Variants in SHISA6 observed in about 807,000 individuals in gnomAD.
SHISA6 encodes protein shisa-6.
Under a neutral mutation model 47.9 loss-of-function variants are expected in SHISA6, and 22 were observed. The observed-to-expected ratio is 0.46, with a 90% CI of 0.33 to 0.66. SHISA6 has a LOEUF of 0.66. SHISA6 is among the 30% of genes least tolerant of loss of function. The pLI is 0.02. For missense variants in SHISA6, 680 were observed against 764.6 expected (o/e 0.89, Z 1.30); for synonymous variants, 388 against 337.8 (o/e 1.15, Z -1.63).
intron 2 of SHISA6, among the ~76,000 whole-genome samples, chr17:11,287,733 CTGGGA>C (rs745349386): frequency 2.2e-3 from 7 of 3,202 alleles, no homozygotes; most frequent in African/African-American, 3.7e-3. Flanking sequence ...GAGGAAGGGG[CTGGGA>C]AGGGAAGGGA....
At chr17:11,383,141 T>C (rs1250344498) in intron 3 of SHISA6, among the ~76,000 whole-genome samples, 5 of 152,106 alleles carry the variant, frequency 3.3e-5, no homozygotes, top group African/African-American at 1.2e-4. Context: ...CTTCACCATG[T>C]TGGCCAGGCT....
At chr17:11,411,500 G>T (rs192455065) in intron 3 of SHISA6, among the ~76,000 whole-genome samples, 8 of 150,416 alleles carry the variant, frequency 5.3e-5, no homozygotes, top group Non-Finnish European at 1.5e-5. Context: ...AGGTTCAAGC[G>T]ATTCTCCTGC....
intron 2 of SHISA6, among the ~76,000 whole-genome samples, chr17:11,349,265 TC>T (rs1911793841): frequency 6.6e-6 from 1 of 152,162 alleles, no homozygotes; most frequent in South Asian, 2.1e-4. Context: ...CCTGACCTCA[TC>T]CCCCAAAGGT....
intron 3 of SHISA6, among the ~76,000 whole-genome samples, chr17:11,465,970 GAAAGTTCTTATA>G (rs1437991115): frequency 1.3e-5 from 2 of 152,110 alleles, no homozygotes; most frequent in African/African-American, 4.8e-5. Context: ...CCATCCCAAA[GAAAGTTCTTATA>G]AAACGGAGTT....
At chr17:11,319,673 G>A (rs1484470300) in intron 2 of SHISA6, among the ~76,000 whole-genome samples, 1 of 152,262 alleles carries the variant, frequency 6.6e-6, no homozygotes, top group African/African-American at 2.4e-5. Context: ...TAACATAGTA[G>A]CTTTATGATT....
At chr17:11,327,914 T>C (rs1294321991) in intron 2 of SHISA6, among the ~76,000 whole-genome samples, 1 of 151,838 alleles carries the variant, frequency 6.6e-6, no homozygotes, top group East Asian at 1.9e-4. Flanking sequence ...TTTCTCTCTC[T>C]CTCTCTGTCT....
chr17:11,275,533 C>G (rs188400894), intron 2 of SHISA6, among the ~76,000 whole-genome samples: 1 of 152,194 alleles, frequency 6.6e-6, no homozygotes, highest in East Asian at 1.9e-4. Context: ...TGTTTACATT[C>G]AGCTGGAGGA....
At chr17:11,302,057 A>G (rs1231081821) in intron 2 of SHISA6, among the ~76,000 whole-genome samples, 1 of 152,164 alleles carries the variant, frequency 6.6e-6, no homozygotes. Context: ...AGACTTATTC[A>G]CTATTATGAG....
At chr17:11,427,832 G>A (rs112514059) in intron 3 of SHISA6, among the ~76,000 whole-genome samples, 6 of 152,110 alleles carry the variant, frequency 3.9e-5, no homozygotes, top group African/African-American at 1.4e-4. Context: ...ATGGATTCAT[G>A]GCACCCTGTT....
intron 3 of SHISA6, among the ~76,000 whole-genome samples, chr17:11,459,132 T>C (rs1476253140): frequency 6.8e-6 from 1 of 146,304 alleles, no homozygotes; most frequent in Non-Finnish European, 1.5e-5. Flanking sequence ...GGCAGGAGAA[T>C]GGCATGAACC....
intron 3 of SHISA6, among the ~76,000 whole-genome samples, chr17:11,475,560 C>G (rs564489722): frequency 2.6e-5 from 4 of 151,852 alleles, no homozygotes; most frequent in Non-Finnish European, 5.9e-5. Context: ...CTTTTTTAGC[C>G]TGTTGATGTG....
At chr17:11,552,951 A>C (rs966936220) in intron 4 of SHISA6, among the ~76,000 whole-genome samples, 5 of 152,206 alleles carry the variant, frequency 3.3e-5, no homozygotes, top group African/African-American at 7.2e-5. Context: ...GACGGTTGAG[A>C]TATGAAACCT....
At chr17:11,506,366 A>G (rs1409716252) in intron 3 of SHISA6, among the ~76,000 whole-genome samples, 1 of 152,196 alleles carries the variant, frequency 6.6e-6, no homozygotes, top group Non-Finnish European at 1.5e-5. Flanking sequence ...AGAGCAAAAG[A>G]GTTTTCAATC....
chr17:11,357,187 CAAAAA>C (rs60564976), intron 2 of SHISA6, among the ~76,000 whole-genome samples: 3 of 90,132 alleles, frequency 3.3e-5, no homozygotes, highest in African/African-American at 1.4e-4. Context: ...GACTCCGTCT[CAAAAA>C]AAAAAAAAAA....
chr17:11,304,430 C>G (rs1440533501), intron 2 of SHISA6, among the ~76,000 whole-genome samples: 3 of 151,516 alleles, frequency 2.0e-5, no homozygotes, highest in African/African-American at 7.3e-5. Context: ...GAGCCTTGCT[C>G]TGTGAGGTGG....
intron 4 of SHISA6, among the ~76,000 whole-genome samples, chr17:11,552,623 T>A (rs1391407634): frequency 6.6e-6 from 1 of 152,068 alleles, no homozygotes; most frequent in African/African-American, 2.4e-5. Flanking sequence ...TGTGAAAGAG[T>A]GAAAACATCA....
chr17:11,243,541 G>T (rs1261977824), intron 1 of SHISA6, among the ~76,000 whole-genome samples: 2 of 152,116 alleles, frequency 1.3e-5, no homozygotes, highest in Non-Finnish European at 2.9e-5. Context: ...AACAGCCTGT[G>T]GTCAGTCTTG....
intron 3 of SHISA6, among the ~76,000 whole-genome samples, chr17:11,522,157 G>A (rs1567628325): frequency 6.6e-6 from 1 of 151,664 alleles, no homozygotes; most frequent in Non-Finnish European, 1.5e-5. Context: ...AGTAGAGACG[G>A]GGTTTCACCG....
At chr17:11,546,504 C>T (rs1187398344) in intron 3 of SHISA6, among the ~76,000 whole-genome samples, 1 of 152,068 alleles carries the variant, frequency 6.6e-6, no homozygotes, top group Admixed American at 6.6e-5. Context: ...TAAAATGACA[C>T]AGAAAGGTTA....
Sources: allele counts gnomAD v4.1 joint callset (sites outside exome capture counted in the v4.1 genomes callset), GRCh38; gene constraint gnomAD v4.1.1; transcripts MANE v1.5; gene names NCBI Gene and HGNC (gene_info 2026-07-23, HGNC 2026-07-21).